Variants in DHX40 observed in about 807,000 individuals in gnomAD.
DHX40 encodes DEAH-box helicase 40.
Under a neutral mutation model 89.6 loss-of-function variants are expected in DHX40, and 28 were observed. That is an observed-to-expected ratio of 0.31 (90% CI 0.23 to 0.43). The LOEUF is 0.43. DHX40 is among the 20% of genes least tolerant of loss of function. The probability of loss-of-function intolerance (pLI) is 1.00; values close to 1 mark genes in which losing one functional copy is unlikely to be tolerated. For missense variants in DHX40, 457 were observed against 844.0 expected (o/e 0.54, Z 5.68); for synonymous variants, 226 against 283.6 (o/e 0.80, Z 2.04).
intron 12 of DHX40, among the ~76,000 whole-genome samples, chr17:59,593,925 T>A (rs2049115737): frequency 6.7e-6 from 1 of 149,344 alleles, no homozygotes; most frequent in African/African-American, 2.4e-5. Context: ...CAGTCAGTGA[T>A]TGGTCGGAGG....
chr17:59,588,293 G>T (rs1232512867), intron 12 of DHX40, among the ~76,000 whole-genome samples: 8 of 143,346 alleles, frequency 5.6e-5, no homozygotes, highest in African/African-American at 2.2e-4. Context: ...TAAGTTTACA[G>T]AAAAATTTAG....
chr17:59,574,446 A>G (rs1285799900), intron 6 of DHX40, among the ~76,000 whole-genome samples, 192 bp downstream of exon 6: 1 of 151,264 alleles, frequency 6.6e-6, no homozygotes, highest in African/African-American at 2.4e-5. Flanking sequence ...AGGATTATAT[A>G]TATTTATGTC....
intron 12 of DHX40, among the ~76,000 whole-genome samples, chr17:59,592,531 T>A (rs2049098866): frequency 6.6e-6 from 1 of 150,416 alleles, no homozygotes; most frequent in Non-Finnish European, 1.5e-5. Flanking sequence ...ACACTTTTCT[T>A]ATTTTTTTCT....
chr17:59,589,972 T>C lies in DHX40; in HGVS notation c.1582+1919T>C, dbSNP rs797021589. Among the ~76,000 whole-genome samples, 1,270 of 143,572 alleles carry C rather than the reference T, an allele frequency of 8.8e-3. 21 individuals carry two copies. The highest frequency in any genetic ancestry group is 0.033 in the African/African-American group (1,141 of 34,374). 94.2% of individuals were successfully genotyped at this position (143,572 alleles called of 152,430 possible). ...CTGACCTCAGGTGATCTGCCTACCT[T>C]GGCCTTGGGATTGCAGGCATGAGCC... is the stretch of plus-strand genomic sequence containing the variant. On this transcript the variant is annotated intron_variant, in intron 12 of 17. Transcript: ENST00000251241.
At chr17:59,591,855 A>G (rs2049087814) in intron 12 of DHX40, among the ~76,000 whole-genome samples, 1 of 151,800 alleles carries the variant, frequency 6.6e-6, no homozygotes, top group South Asian at 2.1e-4. Context: ...ATAGTACATT[A>G]ATCAAAATTC....
At position 59,587,195 on chromosome 17, in the gene DHX40, T is replaced by C. The variant is rs192864640; in HGVS notation, c.1425-701T>C. Among the ~76,000 whole-genome samples the C allele has an allele frequency of 2.9e-4, 43 of 148,930 alleles. No individual in the cohort carries two copies. In the East Asian group the frequency reaches 8.0e-3, roughly 28 times the overall value. On this transcript the variant is annotated intron_variant, in intron 11 of 17. Coordinates refer to ENST00000251241, the MANE Select transcript of DHX40 (RefSeq NM_024612.5). ...CGGTAAAATTGAAAAAATAAAATTA[T>C]TATTCTCTCATGTCTTCAAAGACAT... is the stretch of plus-strand genomic sequence containing the variant.
chr17:59,592,564 C>T (rs558197998), intron 12 of DHX40, among the ~76,000 whole-genome samples: 8 of 150,796 alleles, frequency 5.3e-5, no homozygotes, highest in South Asian at 2.1e-4. Flanking sequence ...TCTTCTGAAA[C>T]GTCATATAAA....
chr17:59,595,002 C>T (rs1411795181), intron 12 of DHX40, among the ~76,000 whole-genome samples: 2 of 152,168 alleles, frequency 1.3e-5, no homozygotes, highest in Non-Finnish European at 2.9e-5. Context: ...CCTAACTCCT[C>T]ACATCACCAT....
chr17:59,569,720 T>C lies in DHX40; in HGVS notation c.281-798T>C, dbSNP rs986748404. Among the ~76,000 whole-genome samples the C allele has an allele frequency of 1.1e-4, 16 of 145,248 alleles. 1 individual carries two copies. The highest frequency in any genetic ancestry group is 2.1e-4 in the Admixed American group (3 of 14,392). Reference sequence around the variant, plus strand: ...AAAAATATATATATATCTATATATATATATAGATATATATATAATTTTTTC... The same window carrying C: ...AAAAATATATATATATCTATATATACATATAGATATATATATAATTTTTTC... On this transcript the variant is annotated intron_variant, in intron 2 of 17. Transcript: ENST00000251241.
intron 11 of DHX40, among the ~76,000 whole-genome samples, chr17:59,587,180 G>T (rs1277916320): frequency 3.3e-5 from 5 of 150,554 alleles, no homozygotes; most frequent in South Asian, 2.1e-4. Flanking sequence ...CGGTAAAATT[G>T]AAAAAATAAA....
intron 11 of DHX40, among the ~76,000 whole-genome samples, chr17:59,586,774 A>G (rs538728688): frequency 6.6e-6 from 1 of 152,234 alleles, no homozygotes; most frequent in East Asian, 1.9e-4. Context: ...GCTAAGCATT[A>G]TGCTGGATAC....
At chr17:59,572,953 G>A (rs1006421557) in intron 3 of DHX40, among the ~76,000 whole-genome samples, 163 bp from the exon 4 acceptor site, 5 of 152,192 alleles carry the variant, frequency 3.3e-5, no homozygotes, top group Non-Finnish European at 5.9e-5. Flanking sequence ...TAGACAGCAT[G>A]TTTTGTAACT....
chr17:59,594,059 A>G (rs962051189), intron 12 of DHX40, among the ~76,000 whole-genome samples: 1 of 152,192 alleles, frequency 6.6e-6, no homozygotes, highest in African/African-American at 2.4e-5. Flanking sequence ...TACTGTGTTC[A>G]GCCAAGGAGT....
At chr17:59,600,538 A>ATATATAT (rs2143351765) in intron 14 of DHX40, among the ~76,000 whole-genome samples, 1 of 151,788 alleles carries the variant, frequency 6.6e-6, no homozygotes, top group Non-Finnish European at 1.5e-5. Context: ...TTATTTTGGT[A>ATATATAT]AAATAATTAA....
At chr17:59,572,339 C>G (rs1025906307) in intron 3 of DHX40, among the ~76,000 whole-genome samples, 3 of 151,986 alleles carry the variant, frequency 2.0e-5, no homozygotes, top group Non-Finnish European at 4.4e-5. Flanking sequence ...TTATTCCTAC[C>G]CTTTGGACCT....
Position 59,583,472 on chromosome 17 carries a change from A to T in DHX40, c.1344-2681A>T, listed in dbSNP as rs1379828054. 7.3e-5 allele frequency among the ~76,000 whole-genome samples: 7 copies of T among 95,746 alleles called. No individual in the cohort carries two copies. In the East Asian group the frequency reaches 2.3e-3, roughly 31 times the overall value. The allele number at this position is 95,746 out of a possible 152,430, so 62.8% of individuals were successfully genotyped here. A position where few individuals can be genotyped will look rare whatever the true frequency, so the allele number is the denominator to read the frequency against. On this transcript the variant is annotated intron_variant, in intron 10 of 17. Transcript: ENST00000251241. ...ATCAACAGGGTGTAAATTTGAAAGGATATATCTTATATCCTGTGTTTGGGA... is the reference window on the plus strand; with the variant it reads ...ATCAACAGGGTGTAAATTTGAAAGGTTATATCTTATATCCTGTGTTTGGGA...
chr17:59,598,187 A>C (rs891270114), intron 12 of DHX40, among the ~76,000 whole-genome samples: 14 of 152,104 alleles, frequency 9.2e-5, no homozygotes, highest in Non-Finnish European at 1.3e-4. Flanking sequence ...ATTTTTGAGA[A>C]AGAATAATTC....
chr17:59,569,917 G>A (rs996628391), intron 2 of DHX40, among the ~76,000 whole-genome samples: 1 of 144,818 alleles, frequency 6.9e-6, no homozygotes, highest in East Asian at 2.0e-4. Flanking sequence ...GGTGGCACAT[G>A]CCTGTTATCC....
chr17:59,587,800 G>A, intron 11 of DHX40, 96 bp from the exon 12 acceptor site: 1 of 1,531,130 alleles, frequency 6.5e-7, no homozygotes, highest in African/African-American at 1.4e-5. Flanking sequence ...GTGATTGGAG[G>A]TAACGTAAAT....
Sources: allele counts gnomAD v4.1 joint callset (sites outside exome capture counted in the v4.1 genomes callset), GRCh38; gene constraint gnomAD v4.1.1; transcripts MANE v1.5; gene names NCBI Gene and HGNC (gene_info 2026-07-23, HGNC 2026-07-21).